Variants in KHDRBS2 observed in about 807,000 individuals in gnomAD.
KHDRBS2 encodes KH RNA binding domain containing, signal transduction associated 2.
Under a neutral mutation model 44.3 loss-of-function variants are expected in KHDRBS2, and 26 were observed. The ratio of observed to expected loss-of-function variants is 0.59; its 90% confidence interval spans 0.43 to 0.81. The LOEUF (loss-of-function observed/expected upper bound fraction) is 0.81, where lower values mean the gene tolerates loss of function less well. KHDRBS2 is among the 40% of genes least tolerant of loss of function. The pLI is 0.00. For missense variants in KHDRBS2, 476 were observed against 433.1 expected, an observed-to-expected ratio of 1.10 and a Z score of -0.88; for synonymous variants, 194 against 151.1, an observed-to-expected ratio of 1.28 and a Z score of -2.08.
chr6:61,787,975 C>A (rs916858994), intron 6 of KHDRBS2, among the ~76,000 whole-genome samples: 1 of 151,652 alleles, frequency 6.6e-6, no homozygotes, highest in East Asian at 1.9e-4. Flanking sequence ...CATAATATAT[C>A]ATTGTTAGAG....
intron 6 of KHDRBS2, among the ~76,000 whole-genome samples, chr6:61,857,027 T>A (rs1370649356): frequency 6.6e-6 from 1 of 152,082 alleles, no homozygotes; most frequent in Non-Finnish European, 1.5e-5. Flanking sequence ...GAATGGATTT[T>A]AAAAAAAGGA....
chr6:62,023,641 A>T (rs569026200), intron 3 of KHDRBS2, among the ~76,000 whole-genome samples: 84 of 151,734 alleles, frequency 5.5e-4, no homozygotes, highest in African/African-American at 1.9e-3. Flanking sequence ...AATGTAATAC[A>T]TTAATTACTA....
At chr6:61,774,962 C>A in intron 6 of KHDRBS2, among the ~76,000 whole-genome samples, 1 of 152,092 alleles carries the variant, frequency 6.6e-6, no homozygotes, top group East Asian at 1.9e-4. Flanking sequence ...TGGGCTTCAA[C>A]CCCGGGATGC....
intron 6 of KHDRBS2, among the ~76,000 whole-genome samples, chr6:61,780,737 C>G (rs1168672308): frequency 6.6e-6 from 1 of 152,086 alleles, no homozygotes; most frequent in East Asian, 1.9e-4. Flanking sequence ...CTTTCTGAAA[C>G]CTAGATTGTA....
rs1236741094 is a variant in KHDRBS2 at position 61,829,329 on chromosome 6, A to T, written c.810+65306T>A. Among the ~76,000 whole-genome samples the T allele has an allele frequency of 5.3e-5, 8 of 152,046 alleles. 1 individual carries two copies. In the East Asian group the frequency reaches 5.8e-4, roughly 11 times the overall value. ...GGCGCCCACCGCCACGCTCAGCTAA[A>T]TTTTTTTGTATTTTAATAGAGACGG... On this transcript the variant is annotated intron_variant, in intron 6 of 8. Coordinates refer to ENST00000281156, the MANE Select transcript of KHDRBS2 (RefSeq NM_152688.4).
chr6:61,964,394 C>G (rs1336436274), intron 4 of KHDRBS2, among the ~76,000 whole-genome samples: 1 of 151,938 alleles, frequency 6.6e-6, no homozygotes, highest in Non-Finnish European at 1.5e-5. Context: ...TATAATCCAG[C>G]TTTGATTTCT....
intron 1 of KHDRBS2, among the ~76,000 whole-genome samples, chr6:62,208,173 T>C (rs1406320818): frequency 6.6e-6 from 1 of 152,222 alleles, no homozygotes; most frequent in Non-Finnish European, 1.5e-5. Flanking sequence ...CTTAGCATGA[T>C]GTCCTCCATG....
chr6:61,927,431 A>G (rs1809186227), intron 4 of KHDRBS2, among the ~76,000 whole-genome samples: 1 of 152,206 alleles, frequency 6.6e-6, no homozygotes, highest in African/African-American at 2.4e-5. Context: ...TTTCAGAAGT[A>G]CTCTCAACTA....
intron 1 of KHDRBS2, among the ~76,000 whole-genome samples, chr6:62,222,799 T>A (rs1216490448): frequency 6.6e-6 from 1 of 152,098 alleles, no homozygotes; most frequent in Non-Finnish European, 1.5e-5. Context: ...TCCAAAATAA[T>A]CTCCTTTGAG....
chr6:61,593,718 C>G, the KHDRBS2 span, among the ~76,000 whole-genome samples: 78 of 152,156 alleles, frequency 5.1e-4, no homozygotes, highest in African/African-American at 1.8e-3. Context: ...CTTCTAAAGG[C>G]TTAGGAGCCA....
intron 2 of KHDRBS2, among the ~76,000 whole-genome samples, chr6:62,063,379 A>C (rs1229588578): frequency 6.6e-6 from 1 of 151,686 alleles, no homozygotes; most frequent in Admixed American, 6.6e-5. Flanking sequence ...AAAAATCCTC[A>C]ATAAAATACT....
rs9344710 is a variant in KHDRBS2 at position 61,728,615 on chromosome 6, A to T, written c.893+4067T>A. Among the ~76,000 whole-genome samples, 46 of 152,314 alleles carry T rather than the reference A, an allele frequency of 3.0e-4. No homozygotes were observed. The East Asian group carries it at 8.1e-3, about 27-fold the overall frequency. On this transcript the variant is annotated intron_variant, in intron 7 of 8. Transcript: ENST00000281156. ...ACAGCCATTAAAGATTATGTTGTAG[A>T]CATTCATTTATTAACATAGATAGAT...
the KHDRBS2 span, among the ~76,000 whole-genome samples, chr6:61,656,743 G>A: frequency 5.3e-5 from 8 of 151,818 alleles, no homozygotes; most frequent in African/African-American, 1.5e-4. Context: ...GCTTGTATGC[G>A]CCGGTGCCAG....
At chr6:62,091,211 T>C (rs1313115571) in intron 2 of KHDRBS2, among the ~76,000 whole-genome samples, 1 of 152,210 alleles carries the variant, frequency 6.6e-6, no homozygotes, top group Non-Finnish European at 1.5e-5. Flanking sequence ...GGTCAAATCT[T>C]AGGGCTAGAA....
chr6:61,899,463 T>C (rs1485702938), intron 5 of KHDRBS2, among the ~76,000 whole-genome samples: 1 of 151,944 alleles, frequency 6.6e-6, no homozygotes, highest in Admixed American at 6.6e-5. Context: ...ATCAGATCTG[T>C]ATGTTATATG....
chr6:61,715,658 C>A (rs1374810109), intron 7 of KHDRBS2, among the ~76,000 whole-genome samples: 1 of 151,966 alleles, frequency 6.6e-6, no homozygotes, highest in South Asian at 2.1e-4. Context: ...CTAACACATC[C>A]TCCCAGCACA....
chr6:61,718,534 G>A (rs1582365619), intron 7 of KHDRBS2, among the ~76,000 whole-genome samples: 2 of 152,168 alleles, frequency 1.3e-5, no homozygotes, highest in South Asian at 4.2e-4. Context: ...CCTAGAGGAT[G>A]ACTAATGGCA....
chr6:61,733,456 G>A (rs1039671411), intron 6 of KHDRBS2, among the ~76,000 whole-genome samples: 6 of 152,112 alleles, frequency 3.9e-5, no homozygotes, highest in East Asian at 1.9e-4. Context: ...TTAGCCAGGC[G>A]TGGTGGTGTG....
chr6:61,744,836 C>G (rs1490555496), intron 6 of KHDRBS2, among the ~76,000 whole-genome samples: 1 of 152,064 alleles, frequency 6.6e-6, no homozygotes, highest in East Asian at 1.9e-4. Context: ...AATTGTCAAA[C>G]ATTGTGAGAT....
Sources: gnomAD v4.1 joint callset for allele counts (sites outside exome capture counted in the v4.1 genomes callset) on GRCh38, gnomAD v4.1.1 for gene constraint, MANE v1.5 for transcripts, NCBI Gene and HGNC (gene_info 2026-07-23, HGNC 2026-07-21) for gene names.